Variants in ANKHD1 observed in about 807,000 individuals in gnomAD.
ANKHD1 encodes the protein ankyrin repeat and KH domain-containing protein 1.
In ANKHD1, 31 loss-of-function variants were observed where a neutral mutation model predicts 230.5. The ratio of observed to expected loss-of-function variants is 0.13; its 90% CI spans 0.10 to 0.18. The LOEUF is 0.18. Among genes scored for constraint, ANKHD1 ranks in the 10% least tolerant of loss-of-function variants. The pLI is 1.00. For synonymous variants in ANKHD1, 1,074 were observed against 1,117.6 expected, an observed-to-expected ratio of 0.96 and a Z score of 0.78; for missense variants, 2,256 against 3,071.3, an observed-to-expected ratio of 0.73 and a Z score of 6.27.
intron 2 of ANKHD1, among the ~76,000 whole-genome samples, chr5:140,437,796 TCAA>T (rs2126914466): frequency 1.3e-5 from 2 of 152,298 alleles, no homozygotes; most frequent in East Asian, 3.9e-4. Flanking sequence ...CACTCAAAAA[TCAA>T]CAATTTTTGA....
At chr5:140,469,837 T>A (rs1776366352) in intron 10 of ANKHD1, among the ~76,000 whole-genome samples, 2 of 151,400 alleles carry the variant, frequency 1.3e-5, no homozygotes, top group African/African-American at 2.4e-5. Context: ...TATGTATATA[T>A]AATATTTAAG....
chr5:140,524,987 C>T (rs923195619), intron 25 of ANKHD1: 4 of 302,576 alleles, frequency 1.3e-5, no homozygotes, highest in Non-Finnish European at 1.3e-5. Context: ...GGCGTGGTGG[C>T]ACATGCCTAT....
rs1769987174 is a variant in ANKHD1 at position 140,402,093 on chromosome 5, C to T, written c.126C>T (p.Arg42=). The change falls in exon 1 of 34, where the codon CGC becomes CGT. Residue 42 remains arginine, a synonymous_variant. Transcript: ENST00000360839. ...PPPGGVGLGI[R]TVRLFGEAGP... ...CGGGAGGGGTCGGTCTGGGGATCCGCACCGTGAGGCTCTTTGGGGAGGCCG... is the reference window on the plus strand; with the variant it reads ...CGGGAGGGGTCGGTCTGGGGATCCGTACCGTGAGGCTCTTTGGGGAGGCCG... 1.3e-6 allele frequency: 2 copies of T among 1,518,602 alleles called. No individual in the cohort carries two copies. Among genetic ancestry groups the T allele is most frequent in the Non-Finnish European group, 1.8e-6 (2 of 1,138,788 alleles). The allele number at this position is 1,518,602 out of a possible 1,614,324, so 94.1% of individuals were successfully genotyped here.
intron 14 of ANKHD1, among the ~76,000 whole-genome samples, chr5:140,494,481 T>G (rs1751938795): frequency 6.6e-6 from 1 of 152,138 alleles, no homozygotes; most frequent in Non-Finnish European, 1.5e-5. Context: ...GACAGTGTAC[T>G]TTGCAATTTA....
At position 140,528,412 on chromosome 5, in the gene ANKHD1, A is replaced by G. The variant is rs1339869878; in HGVS notation, c.5466A>G (p.Leu1822=). 6.2e-6 allele frequency: 10 copies of G among 1,614,080 alleles called. No individual in the cohort carries two copies. The highest frequency in any genetic ancestry group is 1.7e-5 in the Admixed American group (1 of 60,008). The part of the protein sequence containing the change: ...PTLVTSQATT[L]STFQPANKLN... ...TTGTAACTTCACAGGCAACAACGTT[A>G]TCTACGTTCCAGCCCGCTAATAAAC... Residue 1822 remains leucine, a synonymous_variant, in exon 29 of 34, where the codon TTA becomes TTG. Transcript: ENST00000360839.
chr5:140,414,969 T>C (rs1355372026), intron 1 of ANKHD1, among the ~76,000 whole-genome samples: 1 of 152,244 alleles, frequency 6.6e-6, no homozygotes, highest in Non-Finnish European at 1.5e-5. Context: ...GCTTGTCATT[T>C]CATTCTGTTG....
Position 140,507,501 on chromosome 5 carries a change from T to A in ANKHD1, c.3552-284T>A, listed in dbSNP as rs770273579. ...TTTGTATTTGTAGTAGAGATGGGGTTTCTCCATGTTGGTCAGGCTGGTCTC... is the reference window on the plus strand; with the variant it reads ...TTTGTATTTGTAGTAGAGATGGGGTATCTCCATGTTGGTCAGGCTGGTCTC... On this transcript the variant is annotated intron_variant, in intron 19 of 33. Coordinates refer to ENST00000360839, the MANE Select transcript of ANKHD1 (RefSeq NM_017747.3). This position sits in a 1 kb window ranked among gnomAD's most constrained non-coding sequence, Gnocchi z 4.1. Among the ~76,000 whole-genome samples, 4 of 152,176 alleles carry A rather than the reference T, an allele frequency of 2.6e-5. No homozygotes were observed. Among genetic ancestry groups the A allele is most frequent in the Non-Finnish European group, 5.9e-5 (4 of 68,038 alleles).
At chr5:140,420,386 A>G (rs139915137) in intron 1 of ANKHD1, among the ~76,000 whole-genome samples, 430 of 152,242 alleles carry the variant, frequency 2.8e-3, no homozygotes, top group African/African-American at 9.6e-3. Flanking sequence ...TGTCATGTCT[A>G]AGAAACCATT....
intron 24 of ANKHD1, among the ~76,000 whole-genome samples, chr5:140,516,414 C>T (rs1255994159): frequency 6.6e-6 from 1 of 152,080 alleles, no homozygotes; most frequent in Non-Finnish European, 1.5e-5. Flanking sequence ...GCAAGGCAGG[C>T]CAACATTCCG....
chr5:140,500,283 A>T (rs978310570), intron 15 of ANKHD1, among the ~76,000 whole-genome samples: 2 of 152,216 alleles, frequency 1.3e-5, no homozygotes, highest in African/African-American at 2.4e-5. Context: ...TGCTAAATAT[A>T]CTTTATTTCA....
chr5:140,510,749 AT>A (rs1288958820), intron 22 of ANKHD1, among the ~76,000 whole-genome samples: 1 of 152,096 alleles, frequency 6.6e-6, no homozygotes, highest in African/African-American at 2.4e-5. Context: ...ATGCAGATGG[AT>A]TTTTTTGTGC....
At chr5:140,473,047 A>ACAGAGTCT (rs1453140679) in intron 10 of ANKHD1, among the ~76,000 whole-genome samples, 1 of 143,700 alleles carries the variant, frequency 7.0e-6, no homozygotes, top group African/African-American at 2.6e-5. Context: ...TTTTTTTGAG[A>ACAGAGTCT]CAGAGTCTCG....
At chr5:140,496,181 C>T (rs1446709581) in intron 14 of ANKHD1, among the ~76,000 whole-genome samples, 3 of 152,104 alleles carry the variant, frequency 2.0e-5, no homozygotes, top group Non-Finnish European at 4.4e-5. Context: ...CCAATCTAAT[C>T]AGCAGAATTT....
At chr5:140,453,584 C>T (rs1774920788) in intron 7 of ANKHD1, among the ~76,000 whole-genome samples, 1 of 152,170 alleles carries the variant, frequency 6.6e-6, no homozygotes, top group South Asian at 2.1e-4. Context: ...AAAGAATTTT[C>T]AACCCAGAAT....
Position 140,507,993 on chromosome 5 carries a change from G to A in ANKHD1, c.3760G>A (p.Ala1254Thr), listed in dbSNP as rs1752607985. 1.2e-6 allele frequency: 2 copies of A among 1,609,908 alleles called. No homozygotes were observed. Among genetic ancestry groups the A allele is most frequent in the African/African-American group, 1.3e-5 (1 of 74,846 alleles). Reference protein sequence around the residue: ...LDRKANVEHRAKTGLTPLMEA... With the variant: ...LDRKANVEHRTKTGLTPLMEA... ...CCGAAAAGCCAATGTTGAACATAGG[G>A]CAAAGGTAAGCATTTTTTACTTGTC... Residue 1254 changes from alanine to threonine, a missense_variant, in exon 20 of 34, where the codon GCA becomes ACA. Around this residue, in one of 13 missense-constraint regions of ANKHD1, gnomAD observed 195 missense variants for 340.3 expected, o/e 0.57. Transcript: ENST00000360839. The surrounding 1 kb of genome is among the most constrained non-coding windows in gnomAD (Gnocchi z 4.1).
intron 29 of ANKHD1, among the ~76,000 whole-genome samples, chr5:140,535,040 C>T (rs568274527): frequency 3.3e-5 from 5 of 152,304 alleles, no homozygotes; most frequent in South Asian, 2.1e-4. Context: ...ACTCCCATTT[C>T]ATATCCCCTC....
chr5:140,459,928 T>G (rs1020252246), intron 9 of ANKHD1, among the ~76,000 whole-genome samples: 6 of 152,186 alleles, frequency 3.9e-5, no homozygotes, highest in African/African-American at 1.4e-4. Flanking sequence ...TAAAACTGAT[T>G]TTTAAAAAGA....
chr5:140,484,542 C>T (rs778553077), intron 11 of ANKHD1, among the ~76,000 whole-genome samples: 38 of 152,106 alleles, frequency 2.5e-4, no homozygotes, highest in Non-Finnish European at 4.6e-4. Context: ...TTAAAAAAAT[C>T]TGTTTTCTTT....
At chr5:140,417,833 CTT>C (rs35322010) in intron 1 of ANKHD1, among the ~76,000 whole-genome samples, 22,025 of 105,882 alleles carry the variant, frequency 0.21, 1,005 homozygotes, top group East Asian at 0.26. Flanking sequence ...CCCATATAGT[CTT>C]TTTTTTTTTT....
Sources: gnomAD v4.1 joint callset for allele counts (sites outside exome capture counted in the v4.1 genomes callset) on GRCh38, gnomAD v4.1.1 for gene constraint, gnomAD v4.1.1 regional missense constraint, Gnocchi (gnomAD v3.1) non-coding constraint, MANE v1.5 for transcripts, NCBI Gene and HGNC (gene_info 2026-07-23, HGNC 2026-07-21) for gene names.